Variants in DNMT3B observed in about 807,000 individuals in gnomAD.
DNMT3B encodes DNA methyltransferase 3 beta.
In DNMT3B, 37 loss-of-function variants were observed where a neutral mutation model predicts 120.2. The observed-to-expected ratio is 0.31, with a 90% confidence interval of 0.24 to 0.40. DNMT3B has a LOEUF of 0.40. DNMT3B is among the 10% of genes least tolerant of loss of function. The probability of loss-of-function intolerance (pLI) is 1.00; values close to 1 mark genes in which losing one functional copy is unlikely to be tolerated. For synonymous variants in DNMT3B, 412 were observed against 442.8 expected (o/e 0.93, Z 0.87); for missense variants, 878 against 1,137.3 (o/e 0.77, Z 3.28).
chr20:32,764,552 T>G (rs1422104360), intron 1 of DNMT3B, among the ~76,000 whole-genome samples: 2 of 152,200 alleles, frequency 1.3e-5, no homozygotes, highest in Non-Finnish European at 1.5e-5. Flanking sequence ...TGTCCACGAT[T>G]AGGGAGTTGG....
In DNMT3B at chr20:32,804,627, CCT is replaced by C. The variant is rs570387927; in HGVS notation, c.2232-704_2232-703del. 1.5e-3 allele frequency among the ~76,000 whole-genome samples: 234 copies of C among 151,806 alleles called. 1 individual carries two copies. Among genetic ancestry groups the C allele is most frequent in the Non-Finnish European group, 2.7e-3 (186 of 67,956 alleles). ...CTTGCCCTTCTTAGTCATCTGTTTGCCTCTCTCTGCATTTGCAAAATAATTTT... is the reference window on the plus strand; with the variant it reads ...CTTGCCCTTCTTAGTCATCTGTTTGCCTCTCTGCATTTGCAAAATAATTTT... On this transcript the variant is annotated intron_variant, in intron 20 of 22. Transcript: ENST00000328111.
chr20:32,795,374 C>T (rs1006284639), intron 10 of DNMT3B, 35 bp from the exon 11 acceptor site: 2 of 1,613,554 alleles, frequency 1.2e-6, no homozygotes, highest in South Asian at 2.2e-5. Context: ...GACCCTCCTA[C>T]CAAGCCACGG....
intron 4 of DNMT3B, among the ~76,000 whole-genome samples, chr20:32,785,708 C>T (rs895081694): frequency 4.6e-5 from 7 of 152,184 alleles, no homozygotes; most frequent in Admixed American, 6.5e-5. Flanking sequence ...AATTTGGACA[C>T]AGGTTCTGCA....
rs1223090989 is a variant in DNMT3B, at chr20:32,795,416, G to A, written c.1134G>A (p.Lys378=). The A allele has an allele frequency of 6.2e-7, 1 of 1,613,896 alleles. No homozygotes were observed. The highest frequency in any genetic ancestry group is 1.7e-5 in the Admixed American group (1 of 59,992). ...TCTAATTACCTTTCACAGAGAACAA[G>A]ACTCGAAGACGCACAGCTGACGACT... is the stretch of plus-strand genomic sequence containing the variant. ...RKLESRKYEN[K]TRRRTADDSA... is the part of the protein sequence containing the mutation. Residue 378 remains lysine, a synonymous_variant, in exon 11 of 23, where the codon AAG becomes AAA. Coordinates refer to ENST00000328111, the MANE Select transcript of DNMT3B (RefSeq NM_006892.4).
Position 32,787,389 on chromosome 20 carries a change from G to A in DNMT3B, c.592G>A (p.Gly198Arg), listed in dbSNP as rs61758433. Residue 198 changes from glycine (G) to arginine (R), a missense_variant, in exon 6 of 23, where the codon GGG becomes AGG. Coordinates refer to ENST00000328111, the MANE Select transcript of DNMT3B (RefSeq NM_006892.4). ...CCGCCTAGCCCAGGACAGCCAGCAG[G>A]GGGGCATGGAGTCCCCGCAGGTGGA... ...YARLAQDSQQ[G>R]GMESPQVEAD... The A allele has an allele frequency of 8.1e-6, 13 of 1,614,234 alleles. No individual in the cohort carries two copies. The highest frequency in any genetic ancestry group is 5.5e-5 in the South Asian group (5 of 91,082).
chr20:32,787,167 C>A, intron 5 of DNMT3B, 63 bp from the exon 6 acceptor site: 1 of 1,592,004 alleles, frequency 6.3e-7, no homozygotes, highest in Non-Finnish European at 8.6e-7. Context: ...ATGGGGGTGC[C>A]GTTGGTCTCT....
intron 7 of DNMT3B, among the ~76,000 whole-genome samples, chr20:32,789,597 T>A (rs962249710): frequency 1.3e-5 from 2 of 152,132 alleles, no homozygotes; most frequent in African/African-American, 4.8e-5. Flanking sequence ...AACAAAGATT[T>A]TTTTGGGGGC....
At position 32,805,625 on chromosome 20, in the gene DNMT3B, CTT is replaced by C. The variant is rs369746148; in HGVS notation, c.2301+222_2301+223del. On this transcript the variant is annotated intron_variant, in intron 21 of 22. Transcript: ENST00000328111. ...ATCACGACGAGAAAAGGCAACTAGT[CTT>C]TTTAATTTTAGTACTGGATACATAA... 2.6e-4 allele frequency among the ~76,000 whole-genome samples: 39 copies of C among 152,260 alleles called. No individual in the cohort carries two copies. In the East Asian group the frequency reaches 6.6e-3, roughly 26 times the overall value.
intron 1 of DNMT3B, among the ~76,000 whole-genome samples, chr20:32,762,919 G>T (rs1266014943): frequency 2.6e-5 from 4 of 152,030 alleles, no homozygotes; most frequent in Non-Finnish European, 5.9e-5. Flanking sequence ...GGTGGGACGC[G>T]GGGGACATAC....
At chr20:32,802,326 T>G in intron 19 of DNMT3B, 59 bp from the exon 20 acceptor site, 1 of 1,565,202 alleles carries the variant, frequency 6.4e-7, no homozygotes, top group South Asian at 1.1e-5. Flanking sequence ...TGCAAAGGTC[T>G]GGTTGACACT....
rs1266285999 is a variant in DNMT3B at position 32,780,385 on chromosome 20, T to C, written c.62T>C (p.Ile21Thr). 23 of 1,613,706 alleles carry C rather than the reference T, an allele frequency of 1.4e-5. No homozygotes were observed. The highest frequency in any genetic ancestry group is 1.9e-5 in the Non-Finnish European group (23 of 1,179,976). Residue 21 changes from isoleucine (I) to threonine (T), a missense_variant, in exon 2 of 23, where the codon ATC becomes ACC. By Grantham distance (89) the Ile-to-Thr change is moderately conservative. Around this residue, in one of 4 missense-constraint regions of DNMT3B, gnomAD observed 287 missense variants for 306.2 expected, o/e 0.94. Transcript: ENST00000328111. Reference sequence around the variant, plus strand: ...GACGCCGGCGGGAGGGAAGACTCGATCCTCGTCAACGGGGCCTGCAGCGAC... The same window carrying C: ...GACGCCGGCGGGAGGGAAGACTCGACCCTCGTCAACGGGGCCTGCAGCGAC... ...EEDAGGREDS[I>T]LVNGACSDQS...
At chr20:32,800,948 G>T (rs749667031) in intron 18 of DNMT3B, 23 bp downstream of exon 18, 1 of 1,612,744 alleles carries the variant, frequency 6.2e-7, no homozygotes, top group South Asian at 1.1e-5. Context: ...CTCTCTGGCA[G>T]TCCCTGGAGA....
intron 4 of DNMT3B, 101 bp downstream of exon 4, chr20:32,784,960 A>G: frequency 8.8e-7 from 1 of 1,138,538 alleles, no homozygotes; most frequent in Non-Finnish European, 1.3e-6. Flanking sequence ...GGAGCTTTTA[A>G]GAGAAAGTGA....
rs190364143 is a variant in DNMT3B at position 32,799,149 on chromosome 20, T to G, written c.1675-95T>G. 173 of 1,402,274 alleles carry G rather than the reference T, an allele frequency of 1.2e-4. No individual in the cohort carries two copies. The African/African-American group carries it at 2.3e-3, about 19-fold the overall frequency. The allele number at this position is 1,402,274 out of a possible 1,614,324, so 86.9% of individuals were successfully genotyped here. A position where few individuals can be genotyped will look rare whatever the true frequency, so the allele number is the denominator to read the frequency against. ...TTTTTGCAGTGGCTACGGCAAGGTT[T>G]GAAGCCCTCTGAGCAGGGTCAGCCT... On this transcript the variant is annotated intron_variant, in intron 15 of 22. Coordinates refer to ENST00000328111, the MANE Select transcript of DNMT3B (RefSeq NM_006892.4).
At chr20:32,793,831 A>G (rs1980282616) in intron 10 of DNMT3B, among the ~76,000 whole-genome samples, 2 of 152,044 alleles carry the variant, frequency 1.3e-5, no homozygotes, top group Admixed American at 1.3e-4. Context: ...CCCTTTATTA[A>G]TATTAATACT....
At chr20:32,789,154 C>T in intron 7 of DNMT3B, 142 bp downstream of exon 7, 1 of 1,275,314 alleles carries the variant, frequency 7.8e-7, no homozygotes, top group Non-Finnish European at 1.1e-6. Context: ...GACAAAACTT[C>T]CTGTGTTAAC....
chr20:32,795,724 C>T (rs875041), intron 12 of DNMT3B, 30 bp downstream of exon 12: 708,714 of 1,612,722 alleles, frequency 0.44, 168,790 homozygotes, highest in East Asian at 0.91. Flanking sequence ...AGTCATCCCC[C>T]TCACACCCTG....
At chr20:32,780,761 C>T (rs1269029758) in intron 2 of DNMT3B, among the ~76,000 whole-genome samples, 1 of 152,120 alleles carries the variant, frequency 6.6e-6, no homozygotes, top group Non-Finnish European at 1.5e-5. Context: ...CCTTGGAGAG[C>T]CCTTCTGCAG....
At position 32,787,292 on chromosome 20, in the gene DNMT3B, C is replaced by T. The variant is rs1233033113; in HGVS notation, c.495C>T (p.Tyr165=). ...CATGGCCGTCCCCTCCCAGCTCTTACCTTACCATCGACCTCACAGACGACA... is the reference window on the plus strand; with the variant it reads ...CATGGCCGTCCCCTCCCAGCTCTTATCTTACCATCGACCTCACAGACGACA... ...GTPWPSPPSS[Y]LTIDLTDDTE... Residue 165 remains tyrosine (Y), a synonymous_variant, in exon 6 of 23, where the codon TAC becomes TAT. Transcript: ENST00000328111. The T allele has an allele frequency of 6.2e-6, 10 of 1,614,248 alleles. No homozygotes were observed. The highest frequency in any genetic ancestry group is 8.5e-6 in the Non-Finnish European group (10 of 1,180,042).
Sources: gnomAD v4.1 joint callset for allele counts (sites outside exome capture counted in the v4.1 genomes callset) on GRCh38, gnomAD v4.1.1 for gene constraint, gnomAD v4.1.1 regional missense constraint, MANE v1.5 for transcripts, NCBI Gene and HGNC (gene_info 2026-07-23, HGNC 2026-07-21) for gene names.